The following KDM4A variants were observed in gnomAD, a reference collection of about 807,000 sequenced individuals.
KDM4A encodes lysine-specific demethylase 4A.
In KDM4A, 23 loss-of-function variants were observed where a neutral mutation model predicts 127.1. That is an observed-to-expected ratio of 0.18 (90% CI 0.13 to 0.26). The LOEUF is 0.26. Among genes scored for constraint, KDM4A ranks in the 10% least tolerant of loss-of-function variants. KDM4A has a pLI of 1.00. For missense variants in KDM4A, 890 were observed against 1,329.1 expected, an observed-to-expected ratio of 0.67 and a Z score of 5.14; for synonymous variants, 443 against 466.5, an observed-to-expected ratio of 0.95 and a Z score of 0.65.
chr1:43,681,933 T>C (rs1660868567), intron 11 of KDM4A, among the ~76,000 whole-genome samples: 1 of 152,066 alleles, frequency 6.6e-6, no homozygotes, highest in African/African-American at 2.4e-5. Flanking sequence ...CAAGTATGGG[T>C]TTTCCAGTTT....
intron 11 of KDM4A, 24 bp downstream of exon 11, chr1:43,671,899 G>A (rs769037274): frequency 2.0e-6 from 3 of 1,524,608 alleles, no homozygotes; most frequent in Non-Finnish European, 2.6e-6. Flanking sequence ...GCAGTGGTGT[G>A]GGGTGGGGAG....
At position 43,678,787 on chromosome 1, in the gene KDM4A, A is replaced by C. The variant is rs535698591; in HGVS notation, c.1735-4897A>C. On this transcript the variant is annotated intron_variant, in intron 11 of 21. Coordinates refer to ENST00000372396, the MANE Select transcript of KDM4A (RefSeq NM_014663.3). ...ATTTTTGTAGTGATGGGGTATCCTT[A>C]TGTTGCCTAGGCTGGTCTCAAACTC... Among the ~76,000 whole-genome samples the C allele has an allele frequency of 2.0e-5, 3 of 151,948 alleles. No homozygotes were observed. In the South Asian group the frequency reaches 6.2e-4, roughly 32 times the overall value.
chr1:43,666,567 T>A lies in KDM4A; in HGVS notation c.777+12T>A. 1 of 1,605,278 alleles carries A rather than the reference T, an allele frequency of 6.2e-7. No homozygotes were observed. Among genetic ancestry groups the A allele is most frequent in the Non-Finnish European group, 8.5e-7 (1 of 1,171,930 alleles). ...TTCCCTTTGACAAGGTGAGCTGATG[T>A]TACATGCCAAAGTTCTCAGGCACCA... is the stretch of plus-strand genomic sequence containing the variant. On this transcript the variant is annotated intron_variant, in intron 7 of 21. Coordinates refer to ENST00000372396, the MANE Select transcript of KDM4A (RefSeq NM_014663.3).
At position 43,690,888 on chromosome 1, in the gene KDM4A, A is replaced by C; in HGVS notation, c.2081A>C (p.Asp694Ala). Residue 694 changes from aspartate (D) to alanine (A), a missense_variant, in exon 14 of 22, where the codon GAT becomes GCT. This residue lies in a region of KDM4A where 389 missense variants were observed against 485.9 expected (regional missense o/e 0.80). Coordinates refer to ENST00000372396, the MANE Select transcript of KDM4A (RefSeq NM_014663.3). Reference protein sequence around the residue: ...GFNQNCGNASDLAPQKQRTKP... With the variant: ...GFNQNCGNASALAPQKQRTKP... ...AATCAGAACTGTGGAAATGCTTCAG[A>C]TTTAGCCCCCCAGAAGCAGAGGACC... 1 of 1,614,188 alleles carries C rather than the reference A, an allele frequency of 6.2e-7. No individual in the cohort carries two copies. Among genetic ancestry groups the C allele is most frequent in the Non-Finnish European group, 8.5e-7 (1 of 1,180,022 alleles).
intron 11 of KDM4A, among the ~76,000 whole-genome samples, chr1:43,676,989 T>C (rs1413144898): frequency 3.3e-5 from 5 of 152,198 alleles, no homozygotes; most frequent in Non-Finnish European, 7.3e-5. Context: ...GCTGAAGTAT[T>C]TGAAAGCACA....
chr1:43,679,936 C>T (rs920982179), intron 11 of KDM4A, among the ~76,000 whole-genome samples: 19 of 152,126 alleles, frequency 1.2e-4, no homozygotes, highest in Non-Finnish European at 2.5e-4. Flanking sequence ...GCCCTGTCTG[C>T]AAAAAGAGCC....
intron 11 of KDM4A, among the ~76,000 whole-genome samples, chr1:43,676,317 G>A (rs1337184906): frequency 1.3e-5 from 2 of 151,944 alleles, no homozygotes; most frequent in African/African-American, 4.8e-5. Flanking sequence ...ATAATACAGT[G>A]AACCCACAAA....
intron 18 of KDM4A, 33 bp from the exon 19 acceptor site, chr1:43,697,810 G>T (rs769174525): frequency 6.2e-7 from 1 of 1,600,290 alleles, no homozygotes; most frequent in South Asian, 1.1e-5. Context: ...CAAACTCCAC[G>T]TGTGAGTAAC....
At position 43,654,702 on chromosome 1, in the gene KDM4A, AGTGTGTGTGT is replaced by A. The variant is rs58710892; in HGVS notation, c.139-860_139-851del. 7.7e-3 allele frequency among the ~76,000 whole-genome samples: 1,010 copies of A among 131,908 alleles called. 19 individuals carry two copies. The highest frequency in any genetic ancestry group is 0.024 in the African/African-American group (935 of 38,372). 86.5% of individuals were successfully genotyped at this position (131,908 alleles called of 152,430 possible). On this transcript the variant is annotated intron_variant, in intron 2 of 21. Coordinates refer to ENST00000372396, the MANE Select transcript of KDM4A (RefSeq NM_014663.3). ...GTGTTGCCTTATGCAGATGCTTGTG[AGTGTGTGTGT>A]GTGTGTGTGTGTGTGTGTGTGTGTG... is the stretch of plus-strand genomic sequence containing the variant.
In KDM4A at chr1:43,692,314, A is replaced by G. The variant is rs1214178434; in HGVS notation, c.2375+3A>G. 8.1e-6 allele frequency: 13 copies of G among 1,613,626 alleles called. No individual in the cohort carries two copies. The highest frequency in any genetic ancestry group is 2.7e-5 in the African/African-American group (2 of 75,046). On this transcript the variant is annotated splice_donor_region_variant and intron_variant, in intron 16 of 21. Transcript: ENST00000372396. ...CTGCAGAGAGCAAATGATGACAGGT[A>G]AGTTTCCTGAGCAGTGCCTTGGAAT...
At chr1:43,689,804 C>T (rs549789872) in intron 13 of KDM4A, among the ~76,000 whole-genome samples, 4 of 152,316 alleles carry the variant, frequency 2.6e-5, no homozygotes, top group East Asian at 1.9e-4. Context: ...GCATGGCTGC[C>T]GCTGAGCCTG....
intron 2 of KDM4A, 75 bp downstream of exon 2, chr1:43,653,388 C>G (rs1021961393): frequency 7.0e-7 from 1 of 1,424,314 alleles, no homozygotes; most frequent in Non-Finnish European, 9.4e-7. Context: ...ACATTTGGGC[C>G]GGAACTGTGT....
At chr1:43,662,832 A>G in intron 4 of KDM4A, 62 bp from the exon 5 acceptor site, 1 of 1,417,262 alleles carries the variant, frequency 7.1e-7, no homozygotes, top group Non-Finnish European at 9.7e-7. Context: ...TCTGATTTGT[A>G]GGTTCAGAGC....
At chr1:43,663,881 A>C (rs1660441887) in intron 5 of KDM4A, among the ~76,000 whole-genome samples, 1 of 151,700 alleles carries the variant, frequency 6.6e-6, no homozygotes, top group Non-Finnish European at 1.5e-5. Flanking sequence ...CAGTCCTCCT[A>C]CTTCAGCCTT....
chr1:43,650,151 A>G lies in KDM4A; in HGVS notation c.-141A>G, dbSNP rs1660077005. On this transcript the variant is annotated 5_prime_UTR_variant, in exon 1 of 22. Transcript: ENST00000372396. ...ACGGCTGCGCAGATGCCGACTTTAG[A>G]GGAGGCGGAGTTTCGGCCTTCGCCT... 6.6e-6 allele frequency: 1 copy of G among 152,288 alleles called. No homozygotes were observed. The highest frequency in any genetic ancestry group is 2.4e-5 in the African/African-American group (1 of 41,466). The allele number at this position is 152,288 out of a possible 1,614,324, so 9.4% of individuals were successfully genotyped here. A position where few individuals can be genotyped will look rare whatever the true frequency, so the allele number is the denominator to read the frequency against.
chr1:43,691,440 C>A, intron 14 of KDM4A, 56 bp from the exon 15 acceptor site: 15 of 1,407,312 alleles, frequency 1.1e-5, no homozygotes, highest in Non-Finnish European at 1.4e-5. Context: ...AATTGCAAAT[C>A]TACCTTTTGA....
In KDM4A at chr1:43,694,396, A is replaced by C. The variant is rs375609374; in HGVS notation, c.2484+294A>C. Among the ~76,000 whole-genome samples, 94 of 152,002 alleles carry C rather than the reference A, an allele frequency of 6.2e-4. 1 individual carries two copies. Among genetic ancestry groups the C allele is most frequent in the African/African-American group, 2.1e-3 (86 of 41,442 alleles). On this transcript the variant is annotated intron_variant, in intron 17 of 21. Transcript: ENST00000372396. The surrounding 1 kb of genome is among the most constrained non-coding windows in gnomAD (Gnocchi z 5.2). ...CTGGGAGTGGTGGTGCGCACCTATA[A>C]TCCCAGCTCCTCGGGAATCTGAGGC...
intron 10 of KDM4A, among the ~76,000 whole-genome samples, chr1:43,671,260 G>A (rs1173043326): frequency 2.0e-5 from 3 of 152,202 alleles, no homozygotes; most frequent in South Asian, 2.1e-4. Context: ...GCCAGGCGGT[G>A]CTCAGGAGTC....
rs1168169477 is a variant in KDM4A at position 43,678,731 on chromosome 1, GCATGTGC to G, written c.1735-4949_1735-4943del. Among the ~76,000 whole-genome samples the G allele has an allele frequency of 1.3e-5, 2 of 152,040 alleles. 1 individual carries two copies. The highest frequency in any genetic ancestry group is 2.9e-5 in the Non-Finnish European group (2 of 68,008). Reference sequence around the variant, plus strand: ...GCCTCTCAAGTAGTTGGGACTATAGGCATGTGCCATCATGCCCAGCTAAGTTTTTTAT... The same window carrying G: ...GCCTCTCAAGTAGTTGGGACTATAGGCATCATGCCCAGCTAAGTTTTTTAT... On this transcript the variant is annotated intron_variant, in intron 11 of 21. Coordinates refer to ENST00000372396, the MANE Select transcript of KDM4A (RefSeq NM_014663.3).
Sources: allele counts gnomAD v4.1 joint callset (sites outside exome capture counted in the v4.1 genomes callset), GRCh38; gene constraint gnomAD v4.1.1; regional missense constraint gnomAD v4.1.1; non-coding constraint Gnocchi (gnomAD v3.1); transcripts MANE v1.5; gene names NCBI Gene and HGNC (gene_info 2026-07-23, HGNC 2026-07-21).